ARF4: variants seen among roughly 807,000 people sequenced by gnomAD.
The protein encoded by ARF4 is ADP-ribosylation factor 4.
Under a neutral mutation model 24.3 loss-of-function variants are expected in ARF4, and 5 were observed. The observed-to-expected ratio is 0.21, with a 90% confidence interval of 0.11 to 0.43. The LOEUF is 0.43. Among genes scored for constraint, ARF4 ranks in the 20% least tolerant of loss-of-function variants. The pLI is 1.00. For missense variants in ARF4, 107 were observed against 213.0 expected (o/e 0.50, Z 3.10); for synonymous variants, 62 against 73.5 (o/e 0.84, Z 0.80).
rs192496926 is a variant in ARF4 at position 57,574,759 on chromosome 3, G to A, written c.456+789C>T. 2.6e-4 allele frequency among the ~76,000 whole-genome samples: 39 copies of A among 152,166 alleles called. No individual in the cohort carries two copies. The East Asian group carries it at 6.6e-3, about 26-fold the overall frequency. On this transcript the variant is annotated intron_variant, in intron 5 of 5. Transcript: ENST00000303436. ...CAAACAAGGCTGGGCACCATGGCTG[G>A]AATCCCAGCGCTTTGGTAGGCTGAG...
chr3:57,572,992 G>A (rs1017312257), intron 5 of ARF4, among the ~76,000 whole-genome samples: 1 of 151,872 alleles, frequency 6.6e-6, no homozygotes, highest in Non-Finnish European at 1.5e-5. Flanking sequence ...CATGAGGTCA[G>A]GAGATCGAGA....
intron 1 of ARF4, among the ~76,000 whole-genome samples, chr3:57,594,884 T>C (rs2153409568): frequency 6.6e-6 from 1 of 152,302 alleles, no homozygotes; most frequent in Non-Finnish European, 1.5e-5. Flanking sequence ...CCAAACCACC[T>C]TTTTCCCTGT....
chr3:57,577,420 G>T, intron 3 of ARF4, 33 bp from the exon 4 acceptor site: 1 of 1,539,232 alleles, frequency 6.5e-7, no homozygotes, highest in Non-Finnish European at 9.0e-7. Context: ...AATTTTAACA[G>T]TTAAACGACA....
chr3:57,583,059 T>C (rs921084070), intron 3 of ARF4, among the ~76,000 whole-genome samples: 1 of 152,140 alleles, frequency 6.6e-6, no homozygotes, highest in Non-Finnish European at 1.5e-5. Flanking sequence ...CTACAATGCA[T>C]AGAGAGCCCT....
At chr3:57,578,727 T>C (rs965585406) in intron 3 of ARF4, among the ~76,000 whole-genome samples, 1 of 151,954 alleles carries the variant, frequency 6.6e-6, no homozygotes, top group African/African-American at 2.4e-5. Context: ...GATCCACCCA[T>C]CTTGGCCTCC....
Position 57,572,162 on chromosome 3 carries a change from G to T in ARF4, c.*50C>A. Reference sequence around the variant, plus strand: ...ATACAAACTAATTTTGTTGTAACAAGCCTAGACCAATTTTATCAAACATGT... The same window carrying T: ...ATACAAACTAATTTTGTTGTAACAATCCTAGACCAATTTTATCAAACATGT... On this transcript the variant is annotated 3_prime_UTR_variant, in exon 6 of 6. Coordinates refer to ENST00000303436, the MANE Select transcript of ARF4 (RefSeq NM_001660.4). 1.4e-6 allele frequency: 2 copies of T among 1,464,964 alleles called. No homozygotes were observed. Among genetic ancestry groups the T allele is most frequent in the Non-Finnish European group, 1.9e-6 (2 of 1,045,204 alleles). The allele number at this position is 1,464,964 out of a possible 1,614,324, so 90.7% of individuals were successfully genotyped here.
chr3:57,573,939 TTTTG>T (rs891098518), intron 5 of ARF4, among the ~76,000 whole-genome samples: 8 of 150,444 alleles, frequency 5.3e-5, no homozygotes, highest in South Asian at 2.1e-4. Context: ...GGTTGTTTTT[TTTTG>T]TTTGTTTGTT....
At position 57,597,010 on chromosome 3, in the gene ARF4, G is replaced by A. The variant is rs184062324; in HGVS notation, c.67+64C>T. On this transcript the variant is annotated intron_variant, in intron 1 of 5. Coordinates refer to ENST00000303436, the MANE Select transcript of ARF4 (RefSeq NM_001660.4). ...GCGGAGGAAAAAAACAGGCCCAGAGGCCACCCCAATTGTGGAGACCCTGCC... is the reference window on the plus strand; with the variant it reads ...GCGGAGGAAAAAAACAGGCCCAGAGACCACCCCAATTGTGGAGACCCTGCC... The A allele has an allele frequency of 8.9e-4, 1,387 of 1,566,956 alleles. 9 individuals are homozygous for A. In the African/African-American group the frequency reaches 0.011, roughly 13 times the overall value.
Position 57,571,618 on chromosome 3 carries a change from A to G in ARF4, c.*594T>C, listed in dbSNP as rs2069843887. 1 of 152,746 alleles carries G rather than the reference A, an allele frequency of 6.5e-6. No individual in the cohort carries two copies. Among genetic ancestry groups the G allele is most frequent in the Admixed American group, 6.5e-5 (1 of 15,276 alleles). 9.5% of individuals were successfully genotyped at this position (152,746 alleles called of 1,614,324 possible). ...ACCATCTAAATATCAATTCTTTGCA[A>G]CCAGCACAGAACTAATTGGCTATCA... On this transcript the variant is annotated 3_prime_UTR_variant, in exon 6 of 6. Coordinates refer to ENST00000303436, the MANE Select transcript of ARF4 (RefSeq NM_001660.4).
intron 3 of ARF4, among the ~76,000 whole-genome samples, chr3:57,579,936 G>A (rs781169826): frequency 2.6e-5 from 4 of 151,660 alleles, no homozygotes; most frequent in African/African-American, 9.7e-5. Flanking sequence ...CTGTCTCTAC[G>A]AAAAAAATTA....
In ARF4 at chr3:57,583,798, A is replaced by C. The variant is rs1056935005; in HGVS notation, c.258+100T>G. 9 of 828,454 alleles carry C rather than the reference A, an allele frequency of 1.1e-5. No individual in the cohort carries two copies. In the African/African-American group the frequency reaches 1.4e-4, roughly 13 times the overall value. The allele number at this position is 828,454 out of a possible 1,614,324, so 51.3% of individuals were successfully genotyped here. A position where few individuals can be genotyped will look rare whatever the true frequency, so the allele number is the denominator to read the frequency against. On this transcript the variant is annotated intron_variant, in intron 3 of 5. Coordinates refer to ENST00000303436, the MANE Select transcript of ARF4 (RefSeq NM_001660.4). ...GTGGTGATAAGACAAATGCCAACTC[A>C]TAGTAAACACCAATATCCAAGTAAA...
chr3:57,591,820 C>T (rs1447122095), intron 1 of ARF4, among the ~76,000 whole-genome samples: 1 of 152,076 alleles, frequency 6.6e-6, no homozygotes, highest in African/African-American at 2.4e-5. Flanking sequence ...GACAAAGAGG[C>T]CATAAATCAT....
intron 1 of ARF4, 179 bp downstream of exon 1, chr3:57,596,895 G>A (rs902128670): frequency 8.0e-6 from 5 of 622,630 alleles, no homozygotes; most frequent in Non-Finnish European, 1.4e-5. Flanking sequence ...CAGATCGGGG[G>A]CGGGGGGGAT....
intron 1 of ARF4, 71 bp downstream of exon 1, chr3:57,597,003 C>T (rs549079375): frequency 2.6e-6 from 4 of 1,551,132 alleles, no homozygotes; most frequent in East Asian, 2.3e-5. Context: ...AAAAAACAGG[C>T]CCAGAGGCCA....
At chr3:57,586,252 C>T (rs1481168061) in intron 1 of ARF4, among the ~76,000 whole-genome samples, 2 of 151,800 alleles carry the variant, frequency 1.3e-5, no homozygotes, top group Non-Finnish European at 2.9e-5. Flanking sequence ...ATTTTTGTAT[C>T]GATTCAATCA....
chr3:57,577,325 C>T lies in ARF4; in HGVS notation c.321G>A (p.Leu107=). The T allele has an allele frequency of 6.2e-7, 1 of 1,612,800 alleles. No individual in the cohort carries two copies. Among genetic ancestry groups the T allele is most frequent in the Non-Finnish European group, 8.5e-7 (1 of 1,179,028 alleles). ...AAAGTATATTTCTTACCATTTTCTG[C>T]AGCTCATCTGCTACTTCCTGAATTC... ...RERIQEVADE[L]QKMLLVDELR... The change falls in exon 4 of 6, where the codon CTG becomes CTA. Residue 107 remains leucine, a synonymous_variant. Coordinates refer to ENST00000303436, the MANE Select transcript of ARF4 (RefSeq NM_001660.4).
chr3:57,584,215 G>C (rs6763507), intron 2 of ARF4, among the ~76,000 whole-genome samples, 169 bp downstream of exon 2: 5,689 of 152,118 alleles, frequency 0.037, 367 homozygotes, highest in African/African-American at 0.13. Context: ...CACCCGCCTC[G>C]GCCTCCCAAA....
At chr3:57,577,986 G>C (rs1559783406) in intron 3 of ARF4, among the ~76,000 whole-genome samples, 1 of 147,278 alleles carries the variant, frequency 6.8e-6, no homozygotes. Context: ...CCGAGACGGA[G>C]GTTGCAGGGA....
intron 1 of ARF4, among the ~76,000 whole-genome samples, chr3:57,595,836 A>T (rs113166996): frequency 0.13 from 20,502 of 151,956 alleles, 1,461 homozygotes; most frequent in South Asian, 0.21. Context: ...CTGTAATCCC[A>T]GCTACTCGGG....
Sources: allele counts gnomAD v4.1 joint callset (sites outside exome capture counted in the v4.1 genomes callset), GRCh38; gene constraint gnomAD v4.1.1; transcripts MANE v1.5; gene names NCBI Gene and HGNC (gene_info 2026-07-23, HGNC 2026-07-21).